Variants in GNB1 observed in about 807,000 individuals in gnomAD.
GNB1 encodes the protein G protein subunit beta 1.
A neutral mutation model predicts 42.9 loss-of-function variants in GNB1; 2 were observed. The observed-to-expected ratio is 0.05, with a 90% confidence interval of 0.02 to 0.15. The LOEUF (loss-of-function observed/expected upper bound fraction) is 0.15. Among genes scored for constraint, GNB1 ranks in the 10% least tolerant of loss-of-function variants. GNB1 has a pLI of 1.00. For synonymous variants in GNB1, 183 were observed against 174.7 expected, an observed-to-expected ratio of 1.05 and a Z score of -0.38; for missense variants, 193 against 462.2, an observed-to-expected ratio of 0.42 and a Z score of 5.34.
intron 3 of GNB1, among the ~76,000 whole-genome samples, chr1:1,821,420 T>C (rs1018008501): frequency 3.9e-5 from 6 of 152,240 alleles, no homozygotes; most frequent in African/African-American, 1.2e-4. Context: ...AAGGGTCTTT[T>C]GGCTGAAAAA....
intron 3 of GNB1, among the ~76,000 whole-genome samples, chr1:1,824,565 A>T (rs1646972423): frequency 6.6e-6 from 1 of 152,018 alleles, no homozygotes; most frequent in African/African-American, 2.4e-5. Flanking sequence ...CACGGTAAAT[A>T]AATTTATCTT....
chr1:1,825,621 T>C (rs1004070903), intron 2 of GNB1, 122 bp from the exon 3 acceptor site: 1 of 621,630 alleles, frequency 1.6e-6, no homozygotes, highest in Non-Finnish European at 2.9e-6. Context: ...TCCCAGCACT[T>C]TGGGAGGCCG....
At chr1:1,856,598 T>C (rs937201102) in intron 1 of GNB1, among the ~76,000 whole-genome samples, 2 of 152,136 alleles carry the variant, frequency 1.3e-5, no homozygotes, top group Non-Finnish European at 2.9e-5. Context: ...CAGCTAACTT[T>C]TGTATTTTCA....
intron 7 of GNB1, among the ~76,000 whole-genome samples, chr1:1,794,551 A>T (rs1646522028): frequency 6.6e-6 from 1 of 152,158 alleles, no homozygotes; most frequent in Non-Finnish European, 1.5e-5. Flanking sequence ...CCTTCCCCCC[A>T]ACTACACCCC....
chr1:1,860,464 T>A (rs1196150600), intron 1 of GNB1, among the ~76,000 whole-genome samples: 6 of 150,856 alleles, frequency 4.0e-5, no homozygotes, highest in Non-Finnish European at 8.9e-5. Context: ...AATAAATAAA[T>A]AAAAACAAAC....
At chr1:1,856,072 G>T (rs549140153) in intron 1 of GNB1, among the ~76,000 whole-genome samples, 139 of 152,356 alleles carry the variant, frequency 9.1e-4, no homozygotes, top group African/African-American at 3.3e-3. Flanking sequence ...ACCCAGGCTA[G>T]AGTGCAGTGG....
At chr1:1,845,641 A>G (rs1008012820) in intron 1 of GNB1, among the ~76,000 whole-genome samples, 18 of 152,126 alleles carry the variant, frequency 1.2e-4, no homozygotes, top group African/African-American at 4.3e-4. Flanking sequence ...ATGGATATGT[A>G]TGCCAGAGCG....
At chr1:1,817,932 T>G in intron 3 of GNB1, 57 bp from the exon 4 acceptor site, 1 of 1,304,556 alleles carries the variant, frequency 7.7e-7, no homozygotes, top group Non-Finnish European at 1.1e-6. Context: ...CAATCTCAGG[T>G]CCACACATAC....
intron 1 of GNB1, among the ~76,000 whole-genome samples, chr1:1,884,224 CG>C (rs879633408): frequency 5.3e-5 from 8 of 151,890 alleles, no homozygotes; most frequent in Admixed American, 2.6e-4. Flanking sequence ...CTCAGCCTCC[CG>C]AGTAGCTGGA....
At chr1:1,865,261 CAAAAAACAAAA>C (rs1445661721) in intron 1 of GNB1, among the ~76,000 whole-genome samples, 96 of 122,766 alleles carry the variant, frequency 7.8e-4, no homozygotes, top group African/African-American at 1.9e-3. Flanking sequence ...GACTCCATCT[CAAAAAACAAAA>C]AAAAAACAAA....
Position 1,790,029 on chromosome 1 carries a change from G to A in GNB1, c.699+366C>T, listed in dbSNP as rs538691416. Among the ~76,000 whole-genome samples the A allele has an allele frequency of 2.0e-5, 3 of 152,270 alleles. No individual in the cohort carries two copies. The highest frequency in any genetic ancestry group is 6.5e-5 in the Admixed American group (1 of 15,298). On this transcript the variant is annotated intron_variant, in intron 9 of 11. Transcript: ENST00000378609. The surrounding 1 kb of genome is among the most constrained non-coding windows in gnomAD (Gnocchi z 5.4). The stretch of plus-strand genomic sequence containing the variant: ...CACAAGGCCAGGGGCTGGAAACACT[G>A]CCTAGCCATCCGCGTGCTAAAGAGG...
chr1:1,890,921 C>A lies in GNB1; in HGVS notation c.-197G>T, dbSNP rs1006780202. The A allele has an allele frequency of 6.8e-6, 1 of 146,992 alleles. No homozygotes were observed. The highest frequency in any genetic ancestry group is 1.5e-5 in the Non-Finnish European group (1 of 65,800). 9.1% of individuals were successfully genotyped at this position (146,992 alleles called of 1,614,324 possible). The stretch of plus-strand genomic sequence containing the variant: ...CGCGCTGCGCGCTCCGCGGGCGCTG[C>A]GGGCAGGTGCGCGCCGGCGAGGCTC... On this transcript the variant is annotated 5_prime_UTR_variant, in exon 1 of 12. Coordinates refer to ENST00000378609, the MANE Select transcript of GNB1 (RefSeq NM_002074.5).
chr1:1,882,706 A>G (rs1167466583), intron 1 of GNB1, among the ~76,000 whole-genome samples: 3 of 152,094 alleles, frequency 2.0e-5, no homozygotes, highest in Non-Finnish European at 4.4e-5. Flanking sequence ...GCAGATCACG[A>G]GGTCAGGAGT....
chr1:1,799,739 T>A (rs1325686657), intron 7 of GNB1, among the ~76,000 whole-genome samples: 3 of 152,260 alleles, frequency 2.0e-5, no homozygotes, highest in East Asian at 1.9e-4. Context: ...GGTTTGTTCT[T>A]AAGGAGCTTT....
At chr1:1,827,344 G>A (rs1287473435) in intron 2 of GNB1, among the ~76,000 whole-genome samples, 1 of 152,222 alleles carries the variant, frequency 6.6e-6, no homozygotes, top group Non-Finnish European at 1.5e-5. Context: ...GAGGCAGGCT[G>A]CACAGCAACA....
At chr1:1,804,611 A>C (rs1206767622) in intron 6 of GNB1, 30 bp from the exon 7 acceptor site, 1 of 1,516,548 alleles carries the variant, frequency 6.6e-7, no homozygotes, top group African/African-American at 1.4e-5. Flanking sequence ...TGATGCAAAC[A>C]ACTTTATGTT....
intron 1 of GNB1, among the ~76,000 whole-genome samples, chr1:1,852,519 G>C (rs1351427457): frequency 2.0e-5 from 3 of 151,814 alleles, no homozygotes; most frequent in Non-Finnish European, 4.4e-5. Context: ...CTCGAGCCAC[G>C]GCGCCCGGCC....
chr1:1,879,083 T>C (rs1649699829), intron 1 of GNB1, among the ~76,000 whole-genome samples: 1 of 152,134 alleles, frequency 6.6e-6, no homozygotes, highest in Non-Finnish European at 1.5e-5. Context: ...CTCTGACAAA[T>C]CTCTGAGTTC....
intron 1 of GNB1, among the ~76,000 whole-genome samples, chr1:1,857,998 A>G (rs948435422): frequency 3.9e-5 from 6 of 152,210 alleles, no homozygotes; most frequent in Non-Finnish European, 1.5e-5. Context: ...TACAGGGGCT[A>G]CTGCAATTCT....
Sources: allele counts gnomAD v4.1 joint callset (sites outside exome capture counted in the v4.1 genomes callset), GRCh38; gene constraint gnomAD v4.1.1; non-coding constraint Gnocchi (gnomAD v3.1); transcripts MANE v1.5; gene names NCBI Gene and HGNC (gene_info 2026-07-23, HGNC 2026-07-21).